Variants in PCLO observed in about 807,000 individuals in gnomAD.
PCLO encodes the protein protein piccolo.
PCLO carries 82 observed loss-of-function variants against 427.5 expected under a neutral mutation model. The ratio of observed to expected loss-of-function variants is 0.19; its 90% confidence interval spans 0.16 to 0.23. The LOEUF (loss-of-function observed/expected upper bound fraction) is 0.23, where lower values mean the gene tolerates loss of function less well. PCLO is among the 10% of genes least tolerant of loss of function. PCLO has a pLI of 1.00. For synonymous variants in PCLO, 2,357 were observed against 2,155.4 expected, an observed-to-expected ratio of 1.09 and a Z score of -2.59; for missense variants, 6,239 against 6,115.9, an observed-to-expected ratio of 1.02 and a Z score of -0.67.
rs1477377625 is a variant in PCLO at position 82,757,326 on chromosome 7, G to T, written c.*1249C>A. Reference sequence around the variant, plus strand: ...TGTTTTATTCATTATTATTAAAATAGCTCAAAGTATATTTTAATCTCAGGT... The same window carrying T: ...TGTTTTATTCATTATTATTAAAATATCTCAAAGTATATTTTAATCTCAGGT... On this transcript the variant is annotated 3_prime_UTR_variant, in exon 25 of 25. Transcript: ENST00000333891. The T allele has an allele frequency of 1.3e-5, 2 of 151,854 alleles. No individual in the cohort carries two copies. Among genetic ancestry groups the T allele is most frequent in the Non-Finnish European group, 2.9e-5 (2 of 67,914 alleles). 9.4% of individuals were successfully genotyped at this position (151,854 alleles called of 1,614,324 possible).
chr7:82,919,254 A>C (rs1027493530), intron 6 of PCLO, among the ~76,000 whole-genome samples: 1 of 151,942 alleles, frequency 6.6e-6, no homozygotes, highest in African/African-American at 2.4e-5. Flanking sequence ...AAAGAGAAAA[A>C]ATATAGATCA....
intron 16 of PCLO, among the ~76,000 whole-genome samples, chr7:82,834,611 C>A (rs1315019003): frequency 6.6e-6 from 1 of 152,118 alleles, no homozygotes; most frequent in Admixed American, 6.5e-5. Flanking sequence ...ATTCCCATCA[C>A]CCTATTGCTA....
intron 22 of PCLO, among the ~76,000 whole-genome samples, chr7:82,772,540 C>A (rs1221723373): frequency 6.6e-6 from 1 of 151,952 alleles, no homozygotes; most frequent in African/African-American, 2.4e-5. Context: ...TTTGAAATAA[C>A]CCAGATTCAA....
At chr7:82,919,378 G>T (rs1015611764) in intron 6 of PCLO, among the ~76,000 whole-genome samples, 2 of 151,940 alleles carry the variant, frequency 1.3e-5, no homozygotes, top group Non-Finnish European at 2.9e-5. Flanking sequence ...GTTGACCTGA[G>T]AATTTAAGTT....
At chr7:82,760,000 T>C (rs1431082736) in intron 24 of PCLO, among the ~76,000 whole-genome samples, 1 of 151,820 alleles carries the variant, frequency 6.6e-6, no homozygotes, top group East Asian at 1.9e-4. Flanking sequence ...AGTAAGGAGA[T>C]GAAAGATGTG....
At chr7:82,963,591 C>T (rs746617464) in intron 4 of PCLO, among the ~76,000 whole-genome samples, 1 of 152,002 alleles carries the variant, frequency 6.6e-6, no homozygotes, top group Non-Finnish European at 1.5e-5. Context: ...TCAAAATAAG[C>T]TTAACTTTGA....
At chr7:83,093,773 A>G (rs7790121) in intron 3 of PCLO, among the ~76,000 whole-genome samples, 60,649 of 143,354 alleles carry the variant, frequency 0.42, 13,329 homozygotes, top group East Asian at 0.69. Flanking sequence ...GATTACAGGC[A>G]TAAGCCACCA....
intron 9 of PCLO, among the ~76,000 whole-genome samples, chr7:82,892,331 AT>A (rs1448471284): frequency 7.9e-5 from 12 of 152,304 alleles, no homozygotes; most frequent in African/African-American, 2.9e-4. Flanking sequence ...TGGGGAAAGG[AT>A]TCCCTATTTA....
intron 19 of PCLO, among the ~76,000 whole-genome samples, chr7:82,823,254 A>C (rs996173104): frequency 6.6e-6 from 1 of 152,174 alleles, no homozygotes; most frequent in African/African-American, 2.4e-5. Flanking sequence ...ATTCATAAAT[A>C]ATCTACAAAA....
intron 3 of PCLO, among the ~76,000 whole-genome samples, chr7:82,978,857 AAC>A (rs66871387): frequency 0.22 from 30,131 of 138,358 alleles, 3,543 homozygotes; most frequent in Middle Eastern, 0.31. Context: ...CACACACACA[AAC>A]ACACACACAC....
At chr7:82,835,198 C>A (rs1405052386) in intron 16 of PCLO, among the ~76,000 whole-genome samples, 2 of 152,000 alleles carry the variant, frequency 1.3e-5, no homozygotes, top group Admixed American at 6.6e-5. Context: ...CCCACCTCGG[C>A]CTCCCAAAGT....
rs868456866 is a variant in PCLO, at chr7:82,951,458, C to A, written c.9130G>T (p.Gly3044Cys). 6.3e-7 allele frequency: 1 copy of A among 1,581,382 alleles called. No homozygotes were observed. Among genetic ancestry groups the A allele is most frequent in the Non-Finnish European group, 8.6e-7 (1 of 1,162,298 alleles). The change falls in exon 6 of 25, where the codon GGT (glycine) becomes TGT (cysteine). Residue 3044 changes from glycine to cysteine, a missense_variant. Transcript: ENST00000333891. ...EVMDYSSKTT[G>C]PYPETRQVIS... ...ACTTGTCGTGTTTCTGGATATGGACCTGTAGTCTTGCTTGAATAATCCATT... is the reference window on the plus strand; with the variant it reads ...ACTTGTCGTGTTTCTGGATATGGACATGTAGTCTTGCTTGAATAATCCATT...
intron 22 of PCLO, among the ~76,000 whole-genome samples, chr7:82,785,276 C>T (rs553397219): frequency 3.1e-4 from 47 of 152,114 alleles, no homozygotes; most frequent in African/African-American, 7.2e-4. Context: ...CCATCACATG[C>T]GCAGTTCACA....
chr7:82,910,731 A>G (rs939314180), intron 7 of PCLO, among the ~76,000 whole-genome samples: 1 of 152,184 alleles, frequency 6.6e-6, no homozygotes, highest in Non-Finnish European at 1.5e-5. Flanking sequence ...ACTGATGCAG[A>G]TATTTTTCAC....
intron 3 of PCLO, among the ~76,000 whole-genome samples, chr7:82,978,671 T>G (rs1796077623): frequency 6.6e-6 from 1 of 152,008 alleles, no homozygotes; most frequent in Admixed American, 6.6e-5. Flanking sequence ...TTTAGTCAAA[T>G]AATGCAGTTA....
chr7:83,111,277 C>G (rs897029548), intron 3 of PCLO, among the ~76,000 whole-genome samples: 1 of 152,182 alleles, frequency 6.6e-6, no homozygotes, highest in African/African-American at 2.4e-5. Flanking sequence ...TTCTGGAATA[C>G]ACACCTTGTT....
At chr7:82,761,315 T>TA in intron 23 of PCLO, 44 bp downstream of exon 23, 4 of 1,169,208 alleles carry the variant, frequency 3.4e-6, no homozygotes, top group Admixed American at 2.5e-5. Flanking sequence ...GACACATCCC[T>TA]AAAAAAATCT....
At position 82,850,153 on chromosome 7, in the gene PCLO, C is replaced by T. The variant is rs571741161; in HGVS notation, c.13655-2906G>A. On this transcript the variant is annotated intron_variant, in intron 10 of 24. Transcript: ENST00000333891. ...GCTCCTGAGTAGCTGGGATTACAGG[C>T]ACCCACCACCACACCCAGCTAGTTT... Among the ~76,000 whole-genome samples, 9 of 152,086 alleles carry T rather than the reference C, an allele frequency of 5.9e-5. No individual in the cohort carries two copies. In the East Asian group the frequency reaches 1.7e-3, roughly 29 times the overall value.
At chr7:83,005,677 T>C (rs1787928856) in intron 3 of PCLO, among the ~76,000 whole-genome samples, 1 of 151,550 alleles carries the variant, frequency 6.6e-6, no homozygotes. Flanking sequence ...CATTTCACAG[T>C]GTACAGGTAG....
Sources: allele counts gnomAD v4.1 joint callset (sites outside exome capture counted in the v4.1 genomes callset), GRCh38; gene constraint gnomAD v4.1.1; transcripts MANE v1.5; gene names NCBI Gene and HGNC (gene_info 2026-07-23, HGNC 2026-07-21).